The following RPL26 variants were observed in gnomAD, a reference collection of about 807,000 sequenced individuals.
The protein encoded by RPL26 is ribosomal protein L26.
In RPL26, 1 loss-of-function variant was observed where a neutral mutation model predicts 16.2. That is an observed-to-expected ratio of 0.06 (90% confidence interval 0.02 to 0.29). The LOEUF is 0.29. Ranked by LOEUF, RPL26 falls within the 10% of genes least tolerant of loss-of-function variation. The pLI is 1.00. For missense variants in RPL26, 102 were observed against 184.3 expected, an observed-to-expected ratio of 0.55 and a Z score of 2.58; for synonymous variants, 55 against 62.4, an observed-to-expected ratio of 0.88 and a Z score of 0.56.
intron 3 of RPL26, 175 bp from the exon 4 acceptor site, chr17:8,377,867 AT>A: frequency 1.9e-6 from 1 of 525,498 alleles, no homozygotes; most frequent in South Asian, 3.8e-5. Flanking sequence ...AACCTGGCTT[AT>A]TTACTAATTT....
chr17:8,382,916 C>T (rs1907493626), intron 1 of RPL26: 1 of 397,188 alleles, frequency 2.5e-6, no homozygotes, highest in Non-Finnish European at 4.4e-6. Context: ...AGACTCCAGT[C>T]TATTTCCACA....
intron 3 of RPL26, among the ~76,000 whole-genome samples, chr17:8,378,620 C>T (rs1330088027): frequency 2.6e-5 from 4 of 152,256 alleles, no homozygotes; most frequent in Admixed American, 2.6e-4. Flanking sequence ...GATGACAATA[C>T]GATCTTACTC....
chr17:8,379,956 T>A lies in RPL26; in HGVS notation c.169-20A>T. The A allele has an allele frequency of 6.3e-7, 1 of 1,598,432 alleles. No individual in the cohort carries two copies. The highest frequency in any genetic ancestry group is 1.3e-5 in the African/African-American group (1 of 74,564). On this transcript the variant is annotated intron_variant, in intron 2 of 3. Transcript: ENST00000648839. Reference sequence around the variant, plus strand: ...TACAACCTAAGAGCAAATTCAAAAGTAACAAATATTTGAATAAAAGATTAA... The same window carrying A: ...TACAACCTAAGAGCAAATTCAAAAGAAACAAATATTTGAATAAAAGATTAA...
intron 1 of RPL26, 98 bp from the exon 2 acceptor site, chr17:8,382,413 C>G: frequency 2.3e-6 from 2 of 858,998 alleles, no homozygotes; most frequent in Middle Eastern, 2.3e-4. Flanking sequence ...CTAGAATGAT[C>G]ATAGGCAGTG....
rs1907339052 is a variant in RPL26 at position 8,380,027 on chromosome 17, A to G, written c.169-91T>C. ...AACTCATGCATACACCATTCACCCTATCATTATATTAAAAGGTTAAAAAAA... is the reference window on the plus strand; with the variant it reads ...AACTCATGCATACACCATTCACCCTGTCATTATATTAAAAGGTTAAAAAAA... On this transcript the variant is annotated intron_variant, in intron 2 of 3. Coordinates refer to ENST00000648839, the MANE Select transcript of RPL26 (RefSeq NM_000987.5). 3.8e-6 allele frequency: 4 copies of G among 1,043,140 alleles called. No homozygotes were observed. The South Asian group carries it at 6.7e-5, about 18-fold the overall frequency. The allele number at this position is 1,043,140 out of a possible 1,614,324, so 64.6% of individuals were successfully genotyped here.
At chr17:8,380,175 T>C (rs1326609913) in intron 2 of RPL26, 1 of 428,070 alleles carries the variant, frequency 2.3e-6, no homozygotes, top group African/African-American at 2.0e-5. Flanking sequence ...CTAGTGCTAG[T>C]CAGAGGGCAG....
chr17:8,379,615 G>A (rs1016228496), intron 3 of RPL26, 181 bp downstream of exon 3: 17 of 608,848 alleles, frequency 2.8e-5, no homozygotes, highest in Non-Finnish European at 4.3e-5. Context: ...ACACTTTGAT[G>A]TCAGAAACAT....
At chr17:8,377,996 T>G (rs558811174) in intron 3 of RPL26, among the ~76,000 whole-genome samples, 1 of 152,356 alleles carries the variant, frequency 6.6e-6, no homozygotes, top group South Asian at 2.1e-4. Flanking sequence ...CTCTTCTCAC[T>G]ACAGTTTTAC....
chr17:8,381,546 G>A (rs1597495765), intron 2 of RPL26, among the ~76,000 whole-genome samples: 1 of 151,766 alleles, frequency 6.6e-6, no homozygotes, highest in Non-Finnish European at 1.5e-5. Context: ...CCTCTCTACA[G>A]AAACAAAAAA....
In RPL26 at chr17:8,379,941, G is replaced by A; in HGVS notation, c.169-5C>T. ...TTTATAGTGTCCACGTACAACCTAA[G>A]AGCAAATTCAAAAGTAACAAATATT... is the stretch of plus-strand genomic sequence containing the variant. On this transcript the variant is annotated splice_region_variant and splice_polypyrimidine_tract_variant and intron_variant, in intron 2 of 3. Transcript: ENST00000648839. 2 of 1,604,384 alleles carry A rather than the reference G, an allele frequency of 1.2e-6. No homozygotes were observed. Among genetic ancestry groups the A allele is most frequent in the Non-Finnish European group, 1.7e-6 (2 of 1,176,106 alleles).
intron 3 of RPL26, 58 bp downstream of exon 3, chr17:8,379,738 T>A: frequency 1.3e-6 from 2 of 1,522,790 alleles, no homozygotes; most frequent in Non-Finnish European, 9.0e-7. Flanking sequence ...CTGTAAACAA[T>A]CATGTCAACA....
chr17:8,380,780 C>T lies in RPL26; in HGVS notation c.169-844G>A, dbSNP rs1416322875. 5.3e-5 allele frequency: 8 copies of T among 152,226 alleles called. No homozygotes were observed. In the East Asian group the frequency reaches 1.5e-3, roughly 29 times the overall value. 9.4% of individuals were successfully genotyped at this position (152,226 alleles called of 1,614,324 possible). On this transcript the variant is annotated intron_variant, in intron 2 of 3. Transcript: ENST00000648839. ...ACCTAACTCCCATCTTGCTTCTAACCTCCAAGATGTCCTTGTTCATTCCTG... is the reference window on the plus strand; with the variant it reads ...ACCTAACTCCCATCTTGCTTCTAACTTCCAAGATGTCCTTGTTCATTCCTG...
At position 8,382,227 on chromosome 17, in the gene RPL26, C is replaced by T. The variant is rs781610218; in HGVS notation, c.84G>A (p.Lys28=). 5 of 1,613,954 alleles carry T rather than the reference C, an allele frequency of 3.1e-6. No homozygotes were observed. Among genetic ancestry groups the T allele is most frequent in the East Asian group, 2.2e-5 (1 of 44,882 alleles). The change falls in exon 2 of 4, where the codon AAG becomes AAA. Residue 28 remains lysine, a synonymous_variant. Coordinates refer to ENST00000648839, the MANE Select transcript of RPL26 (RefSeq NM_000987.5). The part of the protein sequence containing the change: ...HFNAPSHIRR[K]IMSSPLSKEL... ...CTTTGGAAAGAGGGGAAGACATAAT[C>T]TTCCTTCGAATGTGGGAAGGTGCAT...
At chr17:8,377,931 T>C (rs1413597520) in intron 3 of RPL26, among the ~76,000 whole-genome samples, 4 of 152,252 alleles carry the variant, frequency 2.6e-5, no homozygotes, top group Admixed American at 6.5e-5. Flanking sequence ...TTAAAGCCTC[T>C]TCTGTGCTTC....
chr17:8,377,868 T>C, intron 3 of RPL26, 176 bp from the exon 4 acceptor site: 1 of 526,262 alleles, frequency 1.9e-6, no homozygotes, highest in Non-Finnish European at 3.2e-6. Flanking sequence ...ACCTGGCTTA[T>C]TTACTAATTT....
intron 2 of RPL26, chr17:8,381,931 CAAAAAA>C (rs34005158): frequency 3.7e-4 from 115 of 315,046 alleles, no homozygotes; most frequent in East Asian, 6.7e-4. Context: ...GACTTCATCT[CAAAAAA>C]AAAAAAAAAA....
At position 8,382,224 on chromosome 17, in the gene RPL26, A is replaced by C; in HGVS notation, c.87T>G (p.Ile29Met). Residue 29 changes from isoleucine to methionine, a missense_variant, in exon 2 of 4, where the codon ATT (isoleucine) becomes ATG (methionine). Physicochemically the swap from Ile to Met is conservative, Grantham distance 10. Coordinates refer to ENST00000648839, the MANE Select transcript of RPL26 (RefSeq NM_000987.5). ...GCTCTTTGGAAAGAGGGGAAGACATAATCTTCCTTCGAATGTGGGAAGGTG... is the reference window on the plus strand; with the variant it reads ...GCTCTTTGGAAAGAGGGGAAGACATCATCTTCCTTCGAATGTGGGAAGGTG... Reference protein sequence around the residue: ...FNAPSHIRRKIMSSPLSKELR... With the variant: ...FNAPSHIRRKMMSSPLSKELR... The C allele has an allele frequency of 2.5e-6, 4 of 1,612,588 alleles. No individual in the cohort carries two copies. Among genetic ancestry groups the C allele is most frequent in the Non-Finnish European group, 3.4e-6 (4 of 1,178,562 alleles).
At position 8,383,157 on chromosome 17, in the gene RPL26, C is replaced by T. The variant is rs1355340516; in HGVS notation, c.-6G>A. On this transcript the variant is annotated splice_region_variant and 5_prime_UTR_variant, in exon 1 of 4. Transcript: ENST00000648839. Reference sequence around the variant, plus strand: ...ACCCGCTTGCCCGCCGAATCCTTACCCGCTCCCGCTTCGGTGATGGCCGCA... The same window carrying T: ...ACCCGCTTGCCCGCCGAATCCTTACTCGCTCCCGCTTCGGTGATGGCCGCA... 5.0e-6 allele frequency: 2 copies of T among 398,622 alleles called. No individual in the cohort carries two copies. Among genetic ancestry groups the T allele is most frequent in the African/African-American group, 4.1e-5 (2 of 48,654 alleles). 24.7% of individuals were successfully genotyped at this position (398,622 alleles called of 1,614,324 possible). A position where few individuals can be genotyped will look rare whatever the true frequency, so the allele number is the denominator to read the frequency against.
chr17:8,382,358 ATCC>A lies in RPL26; in HGVS notation c.-5-46_-5-44del, dbSNP rs542986134. The A allele has an allele frequency of 3.2e-4, 435 of 1,373,180 alleles. 2 individuals are homozygous for A. In the African/African-American group the frequency reaches 5.4e-3, roughly 17 times the overall value. The allele number at this position is 1,373,180 out of a possible 1,614,324, so 85.1% of individuals were successfully genotyped here. Reference sequence around the variant, plus strand: ...AAGACTCTTAAATGACCAAAATCTCATCCAGCTTCCAAACAAATAACCGCAATG... The same window carrying A: ...AAGACTCTTAAATGACCAAAATCTCAAGCTTCCAAACAAATAACCGCAATG... On this transcript the variant is annotated intron_variant, in intron 1 of 3. Coordinates refer to ENST00000648839, the MANE Select transcript of RPL26 (RefSeq NM_000987.5).
Sources: gnomAD v4.1 joint callset for allele counts (sites outside exome capture counted in the v4.1 genomes callset) on GRCh38, gnomAD v4.1.1 for gene constraint, MANE v1.5 for transcripts, NCBI Gene and HGNC (gene_info 2026-07-23, HGNC 2026-07-21) for gene names.